Variants in KIRREL3 observed in about 807,000 individuals in gnomAD.
KIRREL3 encodes kirre like nephrin family adhesion molecule 3.
A neutral mutation model predicts 89.7 loss-of-function variants in KIRREL3; 36 were observed. The observed-to-expected ratio is 0.40, with a 90% CI of 0.31 to 0.53. The LOEUF (loss-of-function observed/expected upper bound fraction) is 0.53, where lower values mean the gene tolerates loss of function less well. Ranked by LOEUF, KIRREL3 falls within the 20% of genes least tolerant of loss-of-function variation. The probability of loss-of-function intolerance (pLI) is 0.49; values close to 1 mark genes in which losing one functional copy is unlikely to be tolerated. For missense variants in KIRREL3, 864 were observed against 1,056.6 expected, an observed-to-expected ratio of 0.82 and a Z score of 2.53; for synonymous variants, 445 against 441.4, an observed-to-expected ratio of 1.01 and a Z score of -0.10.
At position 126,965,820 on chromosome 11, in the gene KIRREL3, C is replaced by T. The variant is rs1949251898; in HGVS notation, c.55+34635G>A. On this transcript the variant is annotated intron_variant, in intron 1 of 16. Coordinates refer to ENST00000525144, the MANE Select transcript of KIRREL3 (RefSeq NM_032531.4). This position sits in a 1 kb window ranked among gnomAD's most constrained non-coding sequence, Gnocchi z 4.4. Reference sequence around the variant, plus strand: ...GCTTCCAGAGTGCCAGCGATGATAGCCAGACAGGTGACAGAACTCGATGTG... The same window carrying T: ...GCTTCCAGAGTGCCAGCGATGATAGTCAGACAGGTGACAGAACTCGATGTG... 6.6e-6 allele frequency among the ~76,000 whole-genome samples: 1 copy of T among 152,114 alleles called. No homozygotes were observed. The highest frequency in any genetic ancestry group is 2.1e-4 in the South Asian group (1 of 4,808).
chr11:126,864,400 G>C (rs1434722279), intron 1 of KIRREL3, among the ~76,000 whole-genome samples: 1 of 152,182 alleles, frequency 6.6e-6, no homozygotes, highest in African/African-American at 2.4e-5. Context: ...GTGGGACCAG[G>C]AGGGCTGCAC....
chr11:126,641,772 T>G lies in KIRREL3; in HGVS notation c.56-78860A>C, dbSNP rs1461993123. On this transcript the variant is annotated intron_variant, in intron 1 of 16. Transcript: ENST00000525144. The surrounding 1 kb of genome is among the most constrained non-coding windows in gnomAD (Gnocchi z 5.0). ...TTATTATGCTATGTAAATACACCAT[T>G]ATATATGAATTTATAGCATATGTGA... Among the ~76,000 whole-genome samples the G allele has an allele frequency of 2.6e-5, 4 of 152,126 alleles. No individual in the cohort carries two copies. Among genetic ancestry groups the G allele is most frequent in the African/African-American group, 9.7e-5 (4 of 41,438 alleles).
At chr11:126,974,870 T>C (rs2135227208) in intron 1 of KIRREL3, among the ~76,000 whole-genome samples, 1 of 152,284 alleles carries the variant, frequency 6.6e-6, no homozygotes, top group African/African-American at 2.4e-5. Context: ...CATGCCTGGC[T>C]AATTTTTGTA....
intron 1 of KIRREL3, among the ~76,000 whole-genome samples, chr11:126,868,246 T>C (rs1944988371): frequency 1.2e-5 from 1 of 80,150 alleles, no homozygotes; most frequent in Non-Finnish European, 2.4e-5. Flanking sequence ...AATGCTCAGA[T>C]TGGAAGAAGC....
chr11:126,933,389 T>C (rs1426846200), intron 1 of KIRREL3, among the ~76,000 whole-genome samples: 1 of 151,876 alleles, frequency 6.6e-6, no homozygotes, highest in Non-Finnish European at 1.5e-5. Flanking sequence ...TTGTAAGCCC[T>C]TCCTCCTTCA....
Position 126,496,947 on chromosome 11 carries a change from GC to G in KIRREL3, c.434-23482del, listed in dbSNP as rs1174905331. Among the ~76,000 whole-genome samples the G allele has an allele frequency of 6.6e-6, 1 of 152,132 alleles. No individual in the cohort carries two copies. The highest frequency in any genetic ancestry group is 2.4e-5 in the African/African-American group (1 of 41,426). ...GCAGAACTGAGCAATGGAGGAGGAGGCCCACCCTTGCTGTAGGGAAATGGCC... is the reference window on the plus strand; with the variant it reads ...GCAGAACTGAGCAATGGAGGAGGAGGCCACCCTTGCTGTAGGGAAATGGCC... On this transcript the variant is annotated intron_variant, in intron 4 of 16. Transcript: ENST00000525144. The surrounding 1 kb of genome is among the most constrained non-coding windows in gnomAD (Gnocchi z 4.9).
chr11:126,555,843 T>C lies in KIRREL3; in HGVS notation c.133+6992A>G, dbSNP rs1939668897. The stretch of plus-strand genomic sequence containing the variant: ...GCAACCTCCGCCTCCCAGGTTCAAG[T>C]GACTCTCCTGCCTCAGCCTCCCAAG... On this transcript the variant is annotated intron_variant, in intron 2 of 16. Coordinates refer to ENST00000525144, the MANE Select transcript of KIRREL3 (RefSeq NM_032531.4). The surrounding 1 kb of genome is among the most constrained non-coding windows in gnomAD (Gnocchi z 4.2). 2.0e-5 allele frequency among the ~76,000 whole-genome samples: 3 copies of C among 151,476 alleles called. No homozygotes were observed. Among genetic ancestry groups the C allele is most frequent in the Non-Finnish European group, 4.4e-5 (3 of 67,922 alleles).
intron 1 of KIRREL3, among the ~76,000 whole-genome samples, chr11:126,702,124 T>C (rs1201681764): frequency 6.6e-6 from 1 of 152,200 alleles, no homozygotes; most frequent in Non-Finnish European, 1.5e-5. Flanking sequence ...GGTAGTCTGC[T>C]AAGGTTTCTG....
At position 126,856,049 on chromosome 11, in the gene KIRREL3, T is replaced by C. The variant is rs777578001; in HGVS notation, c.55+144406A>G. ...TATTTCCCAAAGTTGGTTCCTGGGATGAAAGTCCCTAAAATGCACCTTTCA... is the reference window on the plus strand; with the variant it reads ...TATTTCCCAAAGTTGGTTCCTGGGACGAAAGTCCCTAAAATGCACCTTTCA... On this transcript the variant is annotated intron_variant, in intron 1 of 16. Coordinates refer to ENST00000525144, the MANE Select transcript of KIRREL3 (RefSeq NM_032531.4). Among the ~76,000 whole-genome samples, 86 of 152,198 alleles carry C rather than the reference T, an allele frequency of 5.7e-4. 2 individuals carry two copies. The highest frequency in any genetic ancestry group is 2.6e-4 in the Admixed American group (4 of 15,286).
Position 126,587,833 on chromosome 11 carries a change from C to A in KIRREL3, c.56-24921G>T, listed in dbSNP as rs1018867923. Among the ~76,000 whole-genome samples the A allele has an allele frequency of 6.6e-6, 1 of 152,168 alleles. No individual in the cohort carries two copies. The highest frequency in any genetic ancestry group is 1.5e-5 in the Non-Finnish European group (1 of 68,032). On this transcript the variant is annotated intron_variant, in intron 1 of 16. Transcript: ENST00000525144. The surrounding 1 kb of genome is among the most constrained non-coding windows in gnomAD (Gnocchi z 5.2). The stretch of plus-strand genomic sequence containing the variant: ...AAATAGTTGAACACAATTCTTATTG[C>A]CATCTATCTTTTCACTTCTTTTTAG...
At position 126,561,814 on chromosome 11, in the gene KIRREL3, G is replaced by A. The variant is rs1009071633; in HGVS notation, c.133+1021C>T. Among the ~76,000 whole-genome samples the A allele has an allele frequency of 1.3e-5, 2 of 152,234 alleles. No homozygotes were observed. Among genetic ancestry groups the A allele is most frequent in the Non-Finnish European group, 2.9e-5 (2 of 68,042 alleles). ...TGGAAACAGGTCCACAGCTGGCAAA[G>A]TCTCAGGCATGGGGAGCGCATGGGG... On this transcript the variant is annotated intron_variant, in intron 2 of 16. Transcript: ENST00000525144. The surrounding 1 kb of genome is among the most constrained non-coding windows in gnomAD (Gnocchi z 4.5).
intron 1 of KIRREL3, among the ~76,000 whole-genome samples, chr11:126,756,915 T>C (rs1207445659): frequency 6.6e-6 from 1 of 152,258 alleles, no homozygotes; most frequent in Non-Finnish European, 1.5e-5. Context: ...AGGCACCACC[T>C]GCACTCAAGA....
At chr11:126,573,455 C>T (rs1047814471) in intron 1 of KIRREL3, among the ~76,000 whole-genome samples, 15 of 152,070 alleles carry the variant, frequency 9.9e-5, no homozygotes, top group East Asian at 1.9e-4. Context: ...GGCAGCTACC[C>T]GCTTCCCCCA....
At position 126,586,670 on chromosome 11, in the gene KIRREL3, A is replaced by C. The variant is rs912614729; in HGVS notation, c.56-23758T>G. 6.6e-5 allele frequency among the ~76,000 whole-genome samples: 10 copies of C among 152,118 alleles called. No individual in the cohort carries two copies. The East Asian group carries it at 1.7e-3, about 26-fold the overall frequency. On this transcript the variant is annotated intron_variant, in intron 1 of 16. Coordinates refer to ENST00000525144, the MANE Select transcript of KIRREL3 (RefSeq NM_032531.4). ...CTTCAGATTCAATGTTTACAACGCC[A>C]CATCAAGCCTCATCACTTTCTCTGG...
chr11:126,600,771 G>C (rs1014395572), intron 1 of KIRREL3, among the ~76,000 whole-genome samples: 1 of 152,140 alleles, frequency 6.6e-6, no homozygotes, highest in Non-Finnish European at 1.5e-5. Context: ...TCAAGGAAGG[G>C]CTCCTTATAC....
chr11:126,444,911 C>G, intron 10 of KIRREL3, 68 bp downstream of exon 10: 1 of 1,599,884 alleles, frequency 6.3e-7, no homozygotes, highest in Non-Finnish European at 8.5e-7. Flanking sequence ...GGGGCTATGC[C>G]TGGTGCCAAG....
intron 1 of KIRREL3, among the ~76,000 whole-genome samples, chr11:126,998,117 G>A (rs1368763716): frequency 2.0e-5 from 3 of 152,194 alleles, no homozygotes; most frequent in Non-Finnish European, 1.5e-5. Flanking sequence ...ATAAGTTGAT[G>A]AATGCATGAC....
At position 126,454,271 on chromosome 11, in the gene KIRREL3, G is replaced by A. The variant is rs1033202240; in HGVS notation, c.848+2078C>T. 1.1e-4 allele frequency among the ~76,000 whole-genome samples: 16 copies of A among 152,060 alleles called. 1 individual carries two copies. ...GTTTGCTGTCCGGGTCAGTAGGCAG[G>A]TGTGGGTGGGGGAGGCAGGCCTGGG... On this transcript the variant is annotated intron_variant, in intron 7 of 16. Transcript: ENST00000525144. The surrounding 1 kb of genome is among the most constrained non-coding windows in gnomAD (Gnocchi z 5.8).
chr11:126,467,354 C>T (rs1956760258), intron 5 of KIRREL3, among the ~76,000 whole-genome samples: 1 of 152,178 alleles, frequency 6.6e-6, no homozygotes, highest in African/African-American at 2.4e-5. Flanking sequence ...ACAGTGTACC[C>T]CACCCCATGG....
Sources: gnomAD v4.1 joint callset for allele counts (sites outside exome capture counted in the v4.1 genomes callset) on GRCh38, gnomAD v4.1.1 for gene constraint, Gnocchi (gnomAD v3.1) non-coding constraint, MANE v1.5 for transcripts, NCBI Gene and HGNC (gene_info 2026-07-23, HGNC 2026-07-21) for gene names.